The following FBLN1 variants were observed in gnomAD, a reference collection of about 807,000 sequenced individuals.
FBLN1 encodes fibulin 1.
A neutral mutation model predicts 89.7 loss-of-function variants in FBLN1; 34 were observed. The observed-to-expected ratio is 0.38, with a 90% CI of 0.29 to 0.50. FBLN1 has a LOEUF of 0.50. Among genes scored for constraint, FBLN1 ranks in the 20% least tolerant of loss-of-function variants. The probability of loss-of-function intolerance (pLI) is 0.92; values close to 1 mark genes in which losing one functional copy is unlikely to be tolerated. For missense variants in FBLN1, 777 were observed against 988.1 expected (o/e 0.79, Z 2.86); for synonymous variants, 393 against 391.3 (o/e 1.00, Z -0.05).
intron 14 of FBLN1, chr22:45,551,047 G>A (rs1015369289): frequency 1.1e-5 from 3 of 282,696 alleles, no homozygotes; most frequent in African/African-American, 4.3e-5. Context: ...GTTGGACGTT[G>A]TTGTTAGGTG....
chr22:45,600,692 A>C lies in FBLN1; in HGVS notation c.*246A>C. 1.8e-6 allele frequency: 1 copy of C among 551,580 alleles called. No individual in the cohort carries two copies. Among genetic ancestry groups the C allele is most frequent in the Non-Finnish European group, 3.3e-6 (1 of 304,298 alleles). 34.2% of individuals were successfully genotyped at this position (551,580 alleles called of 1,614,324 possible). A position where few individuals can be genotyped will look rare whatever the true frequency, so the allele number is the denominator to read the frequency against. ...TGCTCATTTTTTAATGCGAAGGCTA[A>C]GTGTCACCCCCTTTCTCTGCCTCTG... On this transcript the variant is annotated 3_prime_UTR_variant, in exon 17 of 17. Transcript: ENST00000327858.
chr22:45,568,872 T>C (rs1159826669), intron 14 of FBLN1, among the ~76,000 whole-genome samples: 1 of 152,208 alleles, frequency 6.6e-6, no homozygotes, highest in Non-Finnish European at 1.5e-5. Context: ...TGTAGGAGCA[T>C]GACTTGTCTC....
At chr22:45,534,029 C>G in intron 7 of FBLN1, 131 bp downstream of exon 7, 1 of 1,257,368 alleles carries the variant, frequency 8.0e-7, no homozygotes, top group Non-Finnish European at 1.1e-6. Context: ...ACTGCCTGCT[C>G]ATCTGCAGGA....
chr22:45,514,329 T>C (rs1434289744), intron 1 of FBLN1, among the ~76,000 whole-genome samples: 2 of 152,176 alleles, frequency 1.3e-5, no homozygotes, highest in African/African-American at 4.8e-5. Flanking sequence ...AGTACTTTTG[T>C]TGGCATCTGG....
At position 45,531,055 on chromosome 22, in the gene FBLN1, C is replaced by T. The variant is rs531560218; in HGVS notation, c.485-210C>T. ...CTGGGATTACAGGTGCCCGCCACCA[C>T]GCCTGGCCTATAATTGATCAGATAT... is the stretch of plus-strand genomic sequence containing the variant. On this transcript the variant is annotated intron_variant, in intron 4 of 16. Coordinates refer to ENST00000327858, the MANE Select transcript of FBLN1 (RefSeq NM_006486.3). The surrounding 1 kb of genome is among the most constrained non-coding windows in gnomAD (Gnocchi z 4.9). 2.6e-4 allele frequency among the ~76,000 whole-genome samples: 39 copies of T among 152,216 alleles called. No individual in the cohort carries two copies. Among genetic ancestry groups the T allele is most frequent in the Admixed American group, 1.3e-3 (20 of 15,288 alleles).
intron 14 of FBLN1, among the ~76,000 whole-genome samples, chr22:45,553,885 C>T (rs973026713): frequency 1.3e-5 from 2 of 152,222 alleles, no homozygotes; most frequent in Non-Finnish European, 2.9e-5. Context: ...TTAGTACCCG[C>T]CATGCTGAGA....
chr22:45,588,181 T>G lies in FBLN1; in HGVS notation c.1972+11073T>G, dbSNP rs1363199716. ...CATGGCGGTACAGCTTTAAATCTGG[T>G]GGTCAGTGACATTTGTCAAAGACTC... is the stretch of plus-strand genomic sequence containing the variant. On this transcript the variant is annotated intron_variant, in intron 16 of 16. Transcript: ENST00000327858. This position sits in a 1 kb window ranked among gnomAD's most constrained non-coding sequence, Gnocchi z 5.1. 6.6e-6 allele frequency among the ~76,000 whole-genome samples: 1 copy of G among 152,074 alleles called. No individual in the cohort carries two copies. Among genetic ancestry groups the G allele is most frequent in the Non-Finnish European group, 1.5e-5 (1 of 67,998 alleles).
intron 1 of FBLN1, among the ~76,000 whole-genome samples, chr22:45,506,903 C>T (rs2088028985): frequency 6.6e-6 from 1 of 152,214 alleles, no homozygotes; most frequent in South Asian, 2.1e-4. Context: ...GTTATTTTGC[C>T]AGCATATTTT....
At chr22:45,520,561 G>A (rs2088236185) in intron 2 of FBLN1, among the ~76,000 whole-genome samples, 1 of 152,206 alleles carries the variant, frequency 6.6e-6, no homozygotes, top group African/African-American at 2.4e-5. Context: ...CTGAGATACT[G>A]GGGGTTAGGA....
chr22:45,585,033 A>G (rs1270663713), intron 16 of FBLN1, among the ~76,000 whole-genome samples: 1 of 152,250 alleles, frequency 6.6e-6, no homozygotes, highest in Admixed American at 6.5e-5. Context: ...CCCCACCAGC[A>G]TCCATAGCAT....
At position 45,532,845 on chromosome 22, in the gene FBLN1, G is replaced by A. The variant is rs961033230; in HGVS notation, c.545-218G>A. 1.8e-5 allele frequency: 11 copies of A among 602,844 alleles called. No homozygotes were observed. The highest frequency in any genetic ancestry group is 3.0e-5 in the Non-Finnish European group (10 of 337,350). 37.3% of individuals were successfully genotyped at this position (602,844 alleles called of 1,614,324 possible). On this transcript the variant is annotated intron_variant, in intron 5 of 16. Transcript: ENST00000327858. The surrounding 1 kb of genome is among the most constrained non-coding windows in gnomAD (Gnocchi z 4.2). Reference sequence around the variant, plus strand: ...CTGCACACCACCTGATTTTCCAGACGGGGAGGTTGGGACCTGAAGCAGCAG... The same window carrying A: ...CTGCACACCACCTGATTTTCCAGACAGGGAGGTTGGGACCTGAAGCAGCAG...
chr22:45,565,823 A>G, intron 14 of FBLN1: 1 of 154,236 alleles, frequency 6.5e-6, no homozygotes, highest in Non-Finnish European at 1.4e-5. Flanking sequence ...GCACTTTGGG[A>G]GGCCGAAGCA....
Position 45,533,341 on chromosome 22 carries a change from G to A in FBLN1, c.646+177G>A, listed in dbSNP as rs955188167. Among the ~76,000 whole-genome samples the A allele has an allele frequency of 3.9e-5, 6 of 152,332 alleles. 1 individual carries two copies. Among genetic ancestry groups the A allele is most frequent in the African/African-American group, 4.8e-5 (2 of 41,580 alleles). On this transcript the variant is annotated intron_variant, in intron 6 of 16. Transcript: ENST00000327858. ...AGTTTGCAGCGCAGAGGCCCCTGCC[G>A]AGACTTCCCTCCAAGACAATATAAG...
intron 16 of FBLN1, among the ~76,000 whole-genome samples, chr22:45,598,413 A>T (rs1250071822): frequency 2.0e-5 from 3 of 152,206 alleles, no homozygotes; most frequent in Non-Finnish European, 4.4e-5. Context: ...CTGTCAGAAC[A>T]TGTGGAACGG....
chr22:45,503,906 C>G (rs905839644), intron 1 of FBLN1, among the ~76,000 whole-genome samples: 1 of 152,158 alleles, frequency 6.6e-6, no homozygotes, highest in South Asian at 2.1e-4. Flanking sequence ...ACCCTCAAGG[C>G]CTGGTCCCTG....
chr22:45,509,468 G>C (rs1020518396), intron 1 of FBLN1, among the ~76,000 whole-genome samples: 1 of 152,150 alleles, frequency 6.6e-6, no homozygotes, highest in Non-Finnish European at 1.5e-5. Flanking sequence ...TGGGGATGGG[G>C]CCAGGAGCCC....
At chr22:45,527,544 G>A (rs879523193) in intron 3 of FBLN1, among the ~76,000 whole-genome samples, 3 of 152,106 alleles carry the variant, frequency 2.0e-5, no homozygotes, top group Non-Finnish European at 4.4e-5. Context: ...AGAGCCGGGT[G>A]GTCTCTGGGC....
At chr22:45,520,974 C>G (rs2088242366) in intron 2 of FBLN1, among the ~76,000 whole-genome samples, 1 of 152,064 alleles carries the variant, frequency 6.6e-6, no homozygotes, top group Non-Finnish European at 1.5e-5. Flanking sequence ...CACTACCACA[C>G]CAGGCTAATT....
chr22:45,582,878 T>A (rs2089054365), intron 16 of FBLN1, among the ~76,000 whole-genome samples: 5 of 152,204 alleles, frequency 3.3e-5, no homozygotes, highest in African/African-American at 1.2e-4. Flanking sequence ...TTATACTCTC[T>A]GGCTTGGAGA....
Sources: allele counts gnomAD v4.1 joint callset (sites outside exome capture counted in the v4.1 genomes callset), GRCh38; gene constraint gnomAD v4.1.1; non-coding constraint Gnocchi (gnomAD v3.1); transcripts MANE v1.5; gene names NCBI Gene and HGNC (gene_info 2026-07-23, HGNC 2026-07-21).